Variants in IL33 observed in about 807,000 individuals in gnomAD.
IL33 encodes the protein interleukin 33.
IL33 carries 37 observed loss-of-function variants against 27.3 expected under a neutral mutation model. The ratio of observed to expected loss-of-function variants is 1.36; its 90% CI spans 1.04 to 1.78. The LOEUF is 1.78. IL33 is among the 40% of genes most tolerant of loss of function. The pLI is 0.00. For missense variants in IL33, 406 were observed against 311.4 expected (o/e 1.30, Z -2.29); for synonymous variants, 132 against 102.9 (o/e 1.28, Z -1.71).
intron 1 of IL33, among the ~76,000 whole-genome samples, chr9:6,221,381 C>G (rs756585540): frequency 1.2e-4 from 18 of 152,146 alleles, no homozygotes; most frequent in Admixed American, 2.6e-4. Flanking sequence ...GATACCGTGC[C>G]TAGGACCTGA....
chr9:6,222,974 A>G (rs1818474756), intron 1 of IL33, among the ~76,000 whole-genome samples: 1 of 152,160 alleles, frequency 6.6e-6, no homozygotes, highest in South Asian at 2.1e-4. Context: ...ATGTAAGTGT[A>G]AGTTCTGGAG....
At position 6,253,587 on chromosome 9, in the gene IL33, C is replaced by A; in HGVS notation, c.505C>A (p.Pro169Thr). 2.5e-6 allele frequency: 4 copies of A among 1,607,124 alleles called. No individual in the cohort carries two copies. The highest frequency in any genetic ancestry group is 3.4e-6 in the Non-Finnish European group (4 of 1,175,236). Residue 169 changes from proline (P) to threonine (T), a missense_variant, in exon 6 of 8, where the codon CCC becomes ACC. Physicochemically the swap from Pro to Thr is conservative, Grantham distance 38 (BLOSUM62 -1). Transcript: ENST00000682010. ...ACTGAGTTACTATGAGTCTCAACAC[C>A]CCTCAAATGAATCAGGTAATTTGGA... ...VLLSYYESQH[P>T]SNESGDGVDG...
chr9:6,231,588 T>C (rs1168249342), intron 1 of IL33, among the ~76,000 whole-genome samples: 2 of 152,228 alleles, frequency 1.3e-5, no homozygotes, highest in African/African-American at 2.4e-5. Flanking sequence ...TAATAACATA[T>C]TTGTACAACT....
At chr9:6,222,151 G>C (rs1015738249) in intron 1 of IL33, among the ~76,000 whole-genome samples, 1 of 152,186 alleles carries the variant, frequency 6.6e-6, no homozygotes, top group African/African-American at 2.4e-5. Context: ...GGTGCAGATT[G>C]TGGCTTATTT....
At chr9:6,238,726 C>T (rs961636539) in intron 1 of IL33, among the ~76,000 whole-genome samples, 1 of 152,094 alleles carries the variant, frequency 6.6e-6, no homozygotes, top group African/African-American at 2.4e-5. Context: ...TGTGGCAAAA[C>T]AGGAGGCCAT....
chr9:6,249,111 TAG>T (rs1587660243), intron 2 of IL33, among the ~76,000 whole-genome samples: 2 of 152,202 alleles, frequency 1.3e-5, no homozygotes, highest in African/African-American at 4.8e-5. Flanking sequence ...GAATCAATGG[TAG>T]AGAGTTCTAG....
chr9:6,218,749 CAT>C (rs1180214190), intron 1 of IL33, among the ~76,000 whole-genome samples: 4 of 96,018 alleles, frequency 4.2e-5, no homozygotes, highest in Non-Finnish European at 6.7e-5. Flanking sequence ...ATATGTTCTC[CAT>C]ATATATATAT....
intron 6 of IL33, among the ~76,000 whole-genome samples, 159 bp from the exon 7 acceptor site, chr9:6,254,303 C>T (rs1042592685): frequency 6.6e-6 from 1 of 152,112 alleles, no homozygotes; most frequent in South Asian, 2.1e-4. Context: ...CTTATCAGTG[C>T]CTCTTGAACT....
rs1301766764 is a variant in IL33 at position 6,257,955 on chromosome 9, T to G, written c.*1787T>G. The G allele has an allele frequency of 1.3e-5, 2 of 152,216 alleles. No homozygotes were observed. The highest frequency in any genetic ancestry group is 2.9e-5 in the Non-Finnish European group (2 of 68,034). 9.4% of individuals were successfully genotyped at this position (152,216 alleles called of 1,614,324 possible). ...AATATATCTACTACATTGTTTATAT[T>G]ATTGAATAAAGTATATTTTCCAAAT... On this transcript the variant is annotated 3_prime_UTR_variant, in exon 8 of 8. Transcript: ENST00000682010.
intron 1 of IL33, among the ~76,000 whole-genome samples, chr9:6,223,700 T>C (rs1385705548): frequency 6.6e-6 from 1 of 152,180 alleles, no homozygotes; most frequent in Admixed American, 6.6e-5. Context: ...TATACTTACA[T>C]GAAAAATAAA....
chr9:6,254,649 T>G (rs1816621318), intron 7 of IL33, 96 bp downstream of exon 7: 3 of 605,692 alleles, frequency 5.0e-6, no homozygotes, highest in Non-Finnish European at 7.7e-6. Flanking sequence ...TTGGGGTATT[T>G]TGCAGAAGGA....
intron 7 of IL33, among the ~76,000 whole-genome samples, 179 bp from the exon 8 acceptor site, chr9:6,255,789 A>C (rs12336076): frequency 0.36 from 53,919 of 151,724 alleles, 9,974 homozygotes; most frequent in East Asian, 0.47. Flanking sequence ...AAATCCACCC[A>C]CTACCCCTCT....
chr9:6,218,896 CTCCATATATAT>C (rs1818287991), intron 1 of IL33, among the ~76,000 whole-genome samples: 1 of 52,794 alleles, frequency 1.9e-5, no homozygotes, highest in African/African-American at 9.2e-5. Flanking sequence ...TATATATGTT[CTCCATATATAT>C]ATATATATAT....
At chr9:6,219,052 T>G (rs985178929) in intron 1 of IL33, among the ~76,000 whole-genome samples, 7 of 150,422 alleles carry the variant, frequency 4.7e-5, no homozygotes, top group African/African-American at 1.7e-4. Flanking sequence ...CAAGTTGAAA[T>G]TTTGGCAAAC....
intron 1 of IL33, among the ~76,000 whole-genome samples, chr9:6,224,088 A>G (rs1226291341): frequency 6.6e-6 from 1 of 152,162 alleles, no homozygotes; most frequent in African/African-American, 2.4e-5. Flanking sequence ...TTTAGAGACT[A>G]AAGTCCTTCT....
intron 1 of IL33, among the ~76,000 whole-genome samples, chr9:6,237,215 A>G (rs1819271144): frequency 6.6e-6 from 1 of 152,210 alleles, no homozygotes; most frequent in Non-Finnish European, 1.5e-5. Context: ...AGAACAAGTG[A>G]TGTTCCTATT....
rs67930252 is a variant in IL33, at chr9:6,255,546, C to T, written c.613-422C>T. 7.6e-3 allele frequency among the ~76,000 whole-genome samples: 1,153 copies of T among 152,086 alleles called. 5 individuals are homozygous for T. Among genetic ancestry groups the T allele is most frequent in the Middle Eastern group, 0.014 (4 of 294 alleles). On this transcript the variant is annotated intron_variant, in intron 7 of 7. Coordinates refer to ENST00000682010, the MANE Select transcript of IL33 (RefSeq NM_033439.4). The stretch of plus-strand genomic sequence containing the variant: ...TAACAAACCATCCCAAAACTTAGTG[C>T]CTCAAAATAATAATCATTTATATTT...
intron 1 of IL33, among the ~76,000 whole-genome samples, chr9:6,216,635 C>A (rs1158002505): frequency 1.3e-5 from 2 of 152,172 alleles, no homozygotes; most frequent in African/African-American, 2.4e-5. Context: ...GTAATCCCAG[C>A]TACTCGGGAG....
upstream of IL33, among the ~76,000 whole-genome samples, chr9:6,215,155 G>A (rs1398033201): frequency 6.6e-6 from 1 of 152,156 alleles, no homozygotes; most frequent in Non-Finnish European, 1.5e-5. Context: ...TGCTACAGAT[G>A]CCAAACGAGA....
Sources: allele counts gnomAD v4.1 joint callset (sites outside exome capture counted in the v4.1 genomes callset), GRCh38; gene constraint gnomAD v4.1.1; transcripts MANE v1.5; gene names NCBI Gene and HGNC (gene_info 2026-07-23, HGNC 2026-07-21).